Variants in RYR2 observed in about 807,000 individuals in gnomAD.
RYR2 encodes cardiac muscle ryanodine receptor-calcium release channel.
A neutral mutation model predicts 601.1 loss-of-function variants in RYR2; 227 were observed. That is an observed-to-expected ratio of 0.38 (90% CI 0.34 to 0.42). The LOEUF (loss-of-function observed/expected upper bound fraction) is 0.42, where lower values mean the gene tolerates loss of function less well. RYR2 is among the 10% of genes least tolerant of loss of function. The pLI is 1.00. For missense variants in RYR2, 4,646 were observed against 6,156.5 expected, an observed-to-expected ratio of 0.75 and a Z score of 8.21; for synonymous variants, 2,223 against 2,175.1, an observed-to-expected ratio of 1.02 and a Z score of -0.61.
chr1:237,321,038 G>A (rs1034222199), intron 2 of RYR2, among the ~76,000 whole-genome samples: 5 of 151,924 alleles, frequency 3.3e-5, no homozygotes, highest in African/African-American at 1.2e-4. Context: ...CAACTGGGAG[G>A]CAGGCTGATA....
At chr1:237,476,825 C>A (rs564052908) in intron 17 of RYR2, among the ~76,000 whole-genome samples, 1,874 of 152,178 alleles carry the variant, frequency 0.012, 20 homozygotes, top group East Asian at 0.062. Flanking sequence ...GTCTGAGATC[C>A]ATTATTAGTG....
chr1:237,797,229 C>A (rs778496749), intron 96 of RYR2, among the ~76,000 whole-genome samples: 7 of 151,984 alleles, frequency 4.6e-5, no homozygotes, highest in African/African-American at 1.2e-4. Flanking sequence ...GACAAATGGG[C>A]AAAGCCAGGC....
rs557875359 is a variant in RYR2 at position 237,326,445 on chromosome 1, C to T, written c.169-4433C>T. On this transcript the variant is annotated intron_variant, in intron 2 of 104. Coordinates refer to ENST00000366574, the MANE Select transcript of RYR2 (RefSeq NM_001035.3). ...CTATTCTGGGTAGAATAGACAGACA[C>T]AGATGTTTAGACAGACTGAATCTCT... 7.2e-4 allele frequency among the ~76,000 whole-genome samples: 110 copies of T among 152,318 alleles called. No individual in the cohort carries two copies. In the Middle Eastern group the frequency reaches 0.01, roughly 14 times the overall value.
At chr1:237,187,458 T>TTTTTTTTC in intron 1 of RYR2, among the ~76,000 whole-genome samples, 1 of 146,130 alleles carries the variant, frequency 6.8e-6, no homozygotes, top group African/African-American at 2.5e-5. Context: ...TTTTTTTTTT[T>TTTTTTTTC]TTTTGAGACA....
chr1:237,153,380 A>G (rs1674952006), intron 1 of RYR2, among the ~76,000 whole-genome samples: 1 of 152,218 alleles, frequency 6.6e-6, no homozygotes, highest in Admixed American at 6.5e-5. Context: ...TCTTCCCTAG[A>G]AAGTCTTTAA....
chr1:237,655,914 A>T lies in RYR2; in HGVS notation c.8059A>T (p.Ser2687Cys), dbSNP rs1457097150. The T allele has an allele frequency of 5.0e-6, 8 of 1,613,080 alleles. No individual in the cohort carries two copies. In the Middle Eastern group the frequency reaches 4.9e-4, roughly 100 times the overall value. Residue 2687 changes from serine (S) to cysteine (C), a missense_variant, in exon 53 of 105, where the codon AGT becomes TGT. By Grantham distance (112) the Ser-to-Cys change is moderately radical. Around this residue, in one of 17 missense-constraint regions of RYR2, gnomAD observed 1,497 missense variants for 1,842.6 expected, o/e 0.81. Transcript: ENST00000366574. ...AGACTACATGGAGTCAAATTATGTC[A>T]GTATGATGGAAAAACAGTCATCAAT... ...PPDYMESNYVSMMEKQSSMDS... is the reference protein window; with the variant it reads ...PPDYMESNYVCMMEKQSSMDS...
At chr1:237,092,318 T>A (rs746053333) in intron 1 of RYR2, among the ~76,000 whole-genome samples, 5 of 152,116 alleles carry the variant, frequency 3.3e-5, no homozygotes, top group Non-Finnish European at 5.9e-5. Context: ...TTTTGATGCC[T>A]TATGAGTCCC....
intron 11 of RYR2, among the ~76,000 whole-genome samples, chr1:237,422,229 CA>C (rs564904100): frequency 1.2e-3 from 186 of 152,210 alleles, no homozygotes; most frequent in African/African-American, 3.8e-3. Flanking sequence ...ACCTGAAAGT[CA>C]TTTATTTATT....
intron 8 of RYR2, among the ~76,000 whole-genome samples, chr1:237,386,449 C>T (rs569633204): frequency 5.9e-5 from 9 of 152,266 alleles, no homozygotes; most frequent in South Asian, 2.1e-4. Flanking sequence ...TCTGTGAAAA[C>T]TTAGGCTGTC....
At chr1:237,425,128 A>G (rs564280089) in intron 12 of RYR2, among the ~76,000 whole-genome samples, 1 of 152,270 alleles carries the variant, frequency 6.6e-6, no homozygotes, top group African/African-American at 2.4e-5. Flanking sequence ...ATCATATTTC[A>G]TTTCTTCTGA....
intron 80 of RYR2, among the ~76,000 whole-genome samples, chr1:237,743,036 G>A (rs901466382): frequency 2.0e-5 from 3 of 152,084 alleles, no homozygotes; most frequent in African/African-American, 7.2e-5. Context: ...GCTAACTACC[G>A]CTTTTTTTGT....
At position 237,615,425 on chromosome 1, in the gene RYR2, C is replaced by G. The variant is rs553256590; in HGVS notation, c.5715+582C>G. On this transcript the variant is annotated intron_variant, in intron 37 of 104. Transcript: ENST00000366574. Reference sequence around the variant, plus strand: ...CATGCTGGTGTCAAACTCCTGGACTCAAGTGTTCCTCACTCCTCATGCTCC... The same window carrying G: ...CATGCTGGTGTCAAACTCCTGGACTGAAGTGTTCCTCACTCCTCATGCTCC... Among the ~76,000 whole-genome samples, 22 of 152,246 alleles carry G rather than the reference C, an allele frequency of 1.4e-4. No homozygotes were observed. In the East Asian group the frequency reaches 3.7e-3, roughly 25 times the overall value.
At chr1:237,567,758 A>G (rs557806516) in intron 28 of RYR2, among the ~76,000 whole-genome samples, 1 of 151,826 alleles carries the variant, frequency 6.6e-6, no homozygotes, top group Middle Eastern at 3.4e-3. Flanking sequence ...GGAAAAAGCT[A>G]CTTTTTAACC....
intron 1 of RYR2, among the ~76,000 whole-genome samples, chr1:237,213,033 A>G (rs1477798693): frequency 6.6e-6 from 1 of 151,988 alleles, no homozygotes. Context: ...TGGTCTCTCA[A>G]AGTGCTGGGA....
chr1:237,649,865 A>T lies in RYR2; in HGVS notation c.7513-12A>T. 1 of 1,611,516 alleles carries T rather than the reference A, an allele frequency of 6.2e-7. No homozygotes were observed. The highest frequency in any genetic ancestry group is 1.1e-5 in the South Asian group (1 of 90,930). On this transcript the variant is annotated splice_polypyrimidine_tract_variant and intron_variant, in intron 49 of 104. Transcript: ENST00000366574. ...AACACAAATGGCCTTCTACTCTCTG[A>T]TTCTTTTTCAGGCAGCTTTGAGTGC... is the stretch of plus-strand genomic sequence containing the variant.
intron 1 of RYR2, among the ~76,000 whole-genome samples, chr1:237,125,891 T>C (rs777550850): frequency 4.5e-4 from 69 of 152,212 alleles, no homozygotes; most frequent in Non-Finnish European, 7.6e-4. Flanking sequence ...GAAGAGACCT[T>C]TGTTACTTAA....
At chr1:237,756,628 C>A (rs12131710) in intron 81 of RYR2, among the ~76,000 whole-genome samples, 2 of 151,958 alleles carry the variant, frequency 1.3e-5, no homozygotes, top group African/African-American at 4.8e-5. Flanking sequence ...GTTTTGGAAA[C>A]TATGTTATAA....
chr1:237,244,144 G>C (rs562414663), intron 1 of RYR2, among the ~76,000 whole-genome samples: 1 of 152,064 alleles, frequency 6.6e-6, no homozygotes, highest in Non-Finnish European at 1.5e-5. Flanking sequence ...TCACCAACAG[G>C]GCCAGTGTCC....
At chr1:237,119,703 A>T (rs1346502500) in intron 1 of RYR2, among the ~76,000 whole-genome samples, 1 of 152,206 alleles carries the variant, frequency 6.6e-6, no homozygotes, top group Non-Finnish European at 1.5e-5. Flanking sequence ...GGACCACAGG[A>T]ACAGTCTCTA....
Sources: allele counts gnomAD v4.1 joint callset (sites outside exome capture counted in the v4.1 genomes callset), GRCh38; gene constraint gnomAD v4.1.1; regional missense constraint gnomAD v4.1.1; transcripts MANE v1.5; gene names NCBI Gene and HGNC (gene_info 2026-07-23, HGNC 2026-07-21).